Variants in NRG1 observed in about 807,000 individuals in gnomAD.
NRG1 encodes pro-neuregulin-1, membrane-bound isoform.
In NRG1, 18 loss-of-function variants were observed where a neutral mutation model predicts 63.8. The ratio of observed to expected loss-of-function variants is 0.28; its 90% CI spans 0.19 to 0.42. The LOEUF is 0.42. Among genes scored for constraint, NRG1 ranks in the 10% least tolerant of loss-of-function variants. NRG1 has a pLI of 1.00. For synonymous variants in NRG1, 302 were observed against 301.3 expected (o/e 1.00, Z -0.02); for missense variants, 762 against 814.7 (o/e 0.94, Z 0.79).
Position 31,812,718 on chromosome 8 carries a change from G to A in NRG1, c.37+173287G>A, listed in dbSNP as rs924674858. On this transcript the variant is annotated intron_variant, in intron 1 of 10. Coordinates refer to the NRG1 transcript ENST00000519301. ...CCTCTTTCTTTCTTTGCCATTTCAG[G>A]TGCTTTATCTCTTAAGCACTGCACT... Among the ~76,000 whole-genome samples the A allele has an allele frequency of 6.7e-5, 10 of 149,992 alleles. No individual in the cohort carries two copies. The South Asian group carries it at 1.1e-3, about 16-fold the overall frequency.
chr8:31,888,299 T>G lies in NRG1; in HGVS notation c.37+248868T>G, dbSNP rs113904976. On this transcript the variant is annotated intron_variant, in intron 1 of 10. Transcript: ENST00000519301. ...AATACCCCAAACTACTGGATGATAT[T>G]TGTAATGAATTTCACCCTATATCAG... Among the ~76,000 whole-genome samples the G allele has an allele frequency of 3.9e-5, 6 of 152,204 alleles. 1 individual carries two copies. Among genetic ancestry groups the G allele is most frequent in the African/African-American group, 1.4e-4 (6 of 41,542 alleles).
chr8:32,373,406 T>C (rs986426245), intron 1 of NRG1, among the ~76,000 whole-genome samples: 8 of 152,220 alleles, frequency 5.3e-5, no homozygotes, highest in Non-Finnish European at 1.0e-4. Context: ...CCAGCTCTTA[T>C]AAATGTATCT....
intron 1 of NRG1, among the ~76,000 whole-genome samples, chr8:31,667,009 G>C (rs1806614980): frequency 6.6e-6 from 1 of 152,178 alleles, no homozygotes; most frequent in Non-Finnish European, 1.5e-5. Context: ...TAAGGAAACT[G>C]AGCCTTAGCA....
At chr8:32,198,368 G>C (rs1225575774) in intron 1 of NRG1, among the ~76,000 whole-genome samples, 2 of 152,036 alleles carry the variant, frequency 1.3e-5, no homozygotes, top group Admixed American at 1.3e-4. Context: ...AGTTGAGACA[G>C]GGTTTCGCCA....
chr8:31,891,019 C>A (rs1389083407), intron 1 of NRG1, among the ~76,000 whole-genome samples: 1 of 152,086 alleles, frequency 6.6e-6, no homozygotes, highest in African/African-American at 2.4e-5. Flanking sequence ...GGATCACAGA[C>A]TTAAATATAA....
chr8:32,448,986 C>A (rs1820622688), intron 1 of NRG1, among the ~76,000 whole-genome samples: 1 of 151,974 alleles, frequency 6.6e-6, no homozygotes, highest in Admixed American at 6.6e-5. Context: ...TGGAGGAAAG[C>A]GGTGTTTAAA....
chr8:32,319,705 T>C (rs572239190), intron 1 of NRG1, among the ~76,000 whole-genome samples: 466 of 152,260 alleles, frequency 3.1e-3, no homozygotes, highest in Middle Eastern at 6.8e-3. Flanking sequence ...GAAATTATTA[T>C]ACCAAGAAAG....
chr8:32,113,756 A>G (rs1369382954), intron 1 of NRG1, among the ~76,000 whole-genome samples: 4 of 152,228 alleles, frequency 2.6e-5, no homozygotes, highest in Admixed American at 2.6e-4. Context: ...TTTAGAACAC[A>G]AAATAACTTA....
intron 1 of NRG1, among the ~76,000 whole-genome samples, chr8:32,289,113 A>G (rs907568774): frequency 5.3e-5 from 8 of 152,210 alleles, no homozygotes; most frequent in African/African-American, 1.9e-4. Context: ...ATCTCAGATC[A>G]CAAAAATTGA....
At chr8:32,681,972 C>T (rs1808766502) in intron 5 of NRG1, among the ~76,000 whole-genome samples, 1 of 152,128 alleles carries the variant, frequency 6.6e-6, no homozygotes, top group African/African-American at 2.4e-5. Flanking sequence ...AGTACCTATT[C>T]AGTGAGGACC....
chr8:32,021,975 C>T (rs914430235), intron 1 of NRG1, among the ~76,000 whole-genome samples: 4 of 152,086 alleles, frequency 2.6e-5, no homozygotes, highest in Admixed American at 6.6e-5. Context: ...CTCTCAGAGG[C>T]AGAAGTGGTT....
intron 1 of NRG1, among the ~76,000 whole-genome samples, chr8:32,080,431 GAAGTA>G (rs1827270280): frequency 6.6e-6 from 1 of 152,142 alleles, no homozygotes; most frequent in East Asian, 1.9e-4. Context: ...ACCTTTTCCA[GAAGTA>G]AAGTGACTAC....
intron 1 of NRG1, among the ~76,000 whole-genome samples, chr8:31,890,901 CAA>C (rs1193518628): frequency 6.6e-6 from 1 of 152,158 alleles, no homozygotes; most frequent in Non-Finnish European, 1.5e-5. Flanking sequence ...GACAGAGGTA[CAA>C]AAGTCATTCA....
At chr8:31,698,918 G>C (rs1810352172) in intron 1 of NRG1, among the ~76,000 whole-genome samples, 2 of 152,160 alleles carry the variant, frequency 1.3e-5, no homozygotes, top group Admixed American at 1.3e-4. Context: ...CACAAAAGAT[G>C]CTGTGAAAGC....
intron 1 of NRG1, among the ~76,000 whole-genome samples, chr8:32,492,398 T>C (rs1269450639): frequency 6.6e-6 from 1 of 150,608 alleles, no homozygotes; most frequent in African/African-American, 2.4e-5. Context: ...AGAATTTTGC[T>C]TTTGCCTCTT....
chr8:32,698,594 A>G (rs1813999403), intron 5 of NRG1, among the ~76,000 whole-genome samples: 1 of 152,192 alleles, frequency 6.6e-6, no homozygotes, highest in South Asian at 2.1e-4. Context: ...AGAAAGACCA[A>G]ATAAAGGCCT....
At chr8:32,365,951 TTCTG>T (rs1448205102) in intron 1 of NRG1, among the ~76,000 whole-genome samples, 1 of 152,240 alleles carries the variant, frequency 6.6e-6, no homozygotes, top group African/African-American at 2.4e-5. Context: ...GATTTTATTG[TTCTG>T]TCTTTCTATT....
intron 1 of NRG1, among the ~76,000 whole-genome samples, chr8:32,009,259 C>G (rs1384570869): frequency 6.6e-6 from 1 of 152,074 alleles, no homozygotes; most frequent in Non-Finnish European, 1.5e-5. Context: ...CCTACTCCAA[C>G]AGTTTCATCT....
intron 1 of NRG1, among the ~76,000 whole-genome samples, chr8:31,898,361 G>T (rs1384131623): frequency 1.3e-5 from 2 of 152,020 alleles, no homozygotes; most frequent in African/African-American, 2.4e-5. Context: ...ATATATTATT[G>T]TGTAATTCTC....
Sources: allele counts gnomAD v4.1 joint callset (sites outside exome capture counted in the v4.1 genomes callset), GRCh38; gene constraint gnomAD v4.1.1; transcripts MANE v1.5; gene names NCBI Gene and HGNC (gene_info 2026-07-23, HGNC 2026-07-21).